RPS6KC1: variants seen among roughly 807,000 people sequenced by gnomAD.
RPS6KC1 encodes ribosomal protein S6 kinase C1.
Under a neutral mutation model 103.8 loss-of-function variants are expected in RPS6KC1, and 54 were observed. That is an observed-to-expected ratio of 0.52 (90% CI 0.42 to 0.65). The LOEUF (loss-of-function observed/expected upper bound fraction) is 0.65. Among genes scored for constraint, RPS6KC1 ranks in the 30% least tolerant of loss-of-function variants. The pLI, the probability that RPS6KC1 is intolerant of heterozygous loss-of-function variation, is 0.00. For synonymous variants in RPS6KC1, 439 were observed against 438.7 expected (o/e 1.00, Z -0.01); for missense variants, 1,151 against 1,253.8 (o/e 0.92, Z 1.24).
At chr1:213,247,685 C>T (rs1416025101) in intron 12 of RPS6KC1, among the ~76,000 whole-genome samples, 2 of 152,060 alleles carry the variant, frequency 1.3e-5, no homozygotes, top group African/African-American at 4.8e-5. Context: ...ACTTTCTAGG[C>T]CTCAGTTTAA....
the RPS6KC1 span, among the ~76,000 whole-genome samples, chr1:213,376,507 G>C: frequency 6.6e-6 from 1 of 151,308 alleles, no homozygotes; most frequent in African/African-American, 2.4e-5. Context: ...CAAGAATTAG[G>C]TACATTATTG....
the RPS6KC1 span, among the ~76,000 whole-genome samples, chr1:213,828,973 T>C: frequency 6.6e-6 from 1 of 152,344 alleles, no homozygotes; most frequent in South Asian, 2.1e-4. Flanking sequence ...ATATTACTTT[T>C]ATACAGTGTA....
At chr1:213,832,314 T>C in the RPS6KC1 span, among the ~76,000 whole-genome samples, 2 of 152,212 alleles carry the variant, frequency 1.3e-5, no homozygotes, top group Admixed American at 6.5e-5. Context: ...CCCAATCCAT[T>C]GACTGGGGCC....
the RPS6KC1 span, among the ~76,000 whole-genome samples, chr1:213,488,630 A>G: frequency 6.6e-6 from 1 of 152,250 alleles, no homozygotes; most frequent in Non-Finnish European, 1.5e-5. Context: ...GAAGCAGTAA[A>G]TATGCGAATT....
the RPS6KC1 span, among the ~76,000 whole-genome samples, chr1:213,341,394 A>G: frequency 1.3e-5 from 2 of 152,178 alleles, no homozygotes; most frequent in African/African-American, 4.8e-5. Context: ...TAAAATTCCC[A>G]GGCAACAGGT....
chr1:213,664,119 C>A, the RPS6KC1 span, among the ~76,000 whole-genome samples: 1 of 150,584 alleles, frequency 6.6e-6, no homozygotes, highest in Non-Finnish European at 1.5e-5. Context: ...GCACACAGGG[C>A]AGCTCCCCAT....
At chr1:213,384,050 G>A in the RPS6KC1 span, among the ~76,000 whole-genome samples, 4 of 152,188 alleles carry the variant, frequency 2.6e-5, no homozygotes, top group Admixed American at 6.5e-5. Context: ...GCCAAGGCAG[G>A]TGGATCATGA....
chr1:213,610,061 C>T, the RPS6KC1 span, among the ~76,000 whole-genome samples: 525 of 152,246 alleles, frequency 3.4e-3, 2 homozygotes, highest in Non-Finnish European at 5.0e-3. Context: ...TTTACATTCT[C>T]ATCAGCCATA....
Position 213,051,414 on chromosome 1 carries a change from T to C in RPS6KC1, c.10T>C (p.Tyr4His). ...CAGAGGCGGCGGGAGGATGACCTCTTACCGGGAGCGGAGTGCCGACCTGGC... is the reference window on the plus strand; with the variant it reads ...CAGAGGCGGCGGGAGGATGACCTCTCACCGGGAGCGGAGTGCCGACCTGGC... MTSYRERSADLARF... is the reference protein window; with the variant it reads MTSHRERSADLARF... The change falls in exon 1 of 15, where the codon TAC becomes CAC. Residue 4 changes from tyrosine (Y) to histidine (H), a missense_variant. Tyr to His is a moderately conservative substitution (Grantham distance 83). Coordinates refer to ENST00000366960, the MANE Select transcript of RPS6KC1 (RefSeq NM_012424.6). 6.2e-7 allele frequency: 1 copy of C among 1,612,604 alleles called. No individual in the cohort carries two copies. Among genetic ancestry groups the C allele is most frequent in the South Asian group, 1.1e-5 (1 of 91,002 alleles).
the RPS6KC1 span, among the ~76,000 whole-genome samples, chr1:213,861,758 C>T: frequency 1.3e-5 from 2 of 152,278 alleles, no homozygotes; most frequent in East Asian, 3.9e-4. Context: ...AGAAGATGCA[C>T]GGAGTTGTTG....
intron 6 of RPS6KC1, among the ~76,000 whole-genome samples, chr1:213,150,769 G>T (rs941932297): frequency 2.4e-4 from 37 of 152,286 alleles, no homozygotes; most frequent in African/African-American, 8.4e-4. Flanking sequence ...CACCTTTCCT[G>T]CCTTTCTATT....
At chr1:213,674,849 G>A in the RPS6KC1 span, among the ~76,000 whole-genome samples, 1 of 152,026 alleles carries the variant, frequency 6.6e-6, no homozygotes. Flanking sequence ...GTATAAGATG[G>A]TATCTCATTG....
the RPS6KC1 span, among the ~76,000 whole-genome samples, chr1:213,448,485 C>T: frequency 9.2e-5 from 14 of 152,096 alleles, no homozygotes; most frequent in Non-Finnish European, 1.6e-4. Flanking sequence ...TTTTATTTTC[C>T]CTCAAATTAC....
At chr1:213,513,416 A>G in the RPS6KC1 span, among the ~76,000 whole-genome samples, 148 of 152,214 alleles carry the variant, frequency 9.7e-4, no homozygotes, top group Non-Finnish European at 1.7e-3. Context: ...GAAAATTAAT[A>G]TAGTACCCAA....
At chr1:213,350,777 G>C in the RPS6KC1 span, among the ~76,000 whole-genome samples, 5 of 152,160 alleles carry the variant, frequency 3.3e-5, no homozygotes, top group South Asian at 2.1e-4. Context: ...ACATTTTACT[G>C]TATTGCCTTT....
the RPS6KC1 span, among the ~76,000 whole-genome samples, chr1:213,738,291 T>G: frequency 6.6e-6 from 1 of 152,134 alleles, no homozygotes; most frequent in Non-Finnish European, 1.5e-5. Flanking sequence ...TGACCACAGA[T>G]GCATATTCTC....
chr1:213,849,245 A>C, the RPS6KC1 span, among the ~76,000 whole-genome samples: 1 of 152,164 alleles, frequency 6.6e-6, no homozygotes, highest in African/African-American at 2.4e-5. Flanking sequence ...CCACTGTGAC[A>C]GACAGGAGCA....
chr1:213,636,166 T>C, the RPS6KC1 span, among the ~76,000 whole-genome samples: 2 of 152,164 alleles, frequency 1.3e-5, no homozygotes, highest in Non-Finnish European at 2.9e-5. Context: ...ATAGGAAGAA[T>C]CAATATTGTG....
the RPS6KC1 span, among the ~76,000 whole-genome samples, chr1:213,409,197 A>G: frequency 6.6e-6 from 1 of 152,048 alleles, no homozygotes; most frequent in Non-Finnish European, 1.5e-5. Context: ...CGTGCAACCA[A>G]CCAAGTGCAA....
Sources: allele counts gnomAD v4.1 joint callset (sites outside exome capture counted in the v4.1 genomes callset), GRCh38; gene constraint gnomAD v4.1.1; transcripts MANE v1.5; gene names NCBI Gene and HGNC (gene_info 2026-07-23, HGNC 2026-07-21).